Variants in PTPRT observed in about 807,000 individuals in gnomAD.
PTPRT encodes the protein protein tyrosine phosphatase receptor type T.
In PTPRT, 56 loss-of-function variants were observed where a neutral mutation model predicts 176.8. The ratio of observed to expected loss-of-function variants is 0.32; its 90% CI spans 0.26 to 0.40. The LOEUF is 0.40. Among genes scored for constraint, PTPRT ranks in the 10% least tolerant of loss-of-function variants. The pLI is 1.00. For missense variants in PTPRT, 1,540 were observed against 1,908.2 expected, an observed-to-expected ratio of 0.81 and a Z score of 3.60; for synonymous variants, 783 against 739.0, an observed-to-expected ratio of 1.06 and a Z score of -0.96.
intron 2 of PTPRT, among the ~76,000 whole-genome samples, chr20:42,884,121 A>T (rs1053344196): frequency 6.6e-6 from 1 of 152,070 alleles, no homozygotes; most frequent in Non-Finnish European, 1.5e-5. Context: ...TGATTCTATC[A>T]TGTAAACCAG....
intron 7 of PTPRT, among the ~76,000 whole-genome samples, chr20:42,607,150 G>A (rs976975794): frequency 6.6e-6 from 1 of 152,094 alleles, no homozygotes; most frequent in Non-Finnish European, 1.5e-5. Flanking sequence ...CAAAATCATA[G>A]AGACAGGAAG....
intron 1 of PTPRT, among the ~76,000 whole-genome samples, chr20:43,030,388 T>C (rs570856303): frequency 9.3e-4 from 142 of 152,118 alleles, no homozygotes; most frequent in African/African-American, 2.9e-3. Context: ...TAAATAAGGT[T>C]GATTGAATGA....
At chr20:42,590,953 T>G (rs1366720128) in intron 7 of PTPRT, among the ~76,000 whole-genome samples, 1 of 150,410 alleles carries the variant, frequency 6.6e-6, no homozygotes, top group African/African-American at 2.5e-5. Flanking sequence ...TGTGTGTGTG[T>G]GTGTGTGTGT....
At chr20:42,470,341 C>T (rs1417880797) in intron 8 of PTPRT, among the ~76,000 whole-genome samples, 1 of 152,202 alleles carries the variant, frequency 6.6e-6, no homozygotes, top group Non-Finnish European at 1.5e-5. Context: ...CCACCCTGAA[C>T]AGTTCCCTGA....
At chr20:43,145,445 A>G (rs1391526575) in intron 1 of PTPRT, among the ~76,000 whole-genome samples, 4 of 152,296 alleles carry the variant, frequency 2.6e-5, no homozygotes, top group Non-Finnish European at 4.4e-5. Flanking sequence ...AGTTGCCACA[A>G]TTCACTTCAG....
chr20:42,215,108 A>C (rs1328027364), intron 15 of PTPRT, among the ~76,000 whole-genome samples: 11 of 152,234 alleles, frequency 7.2e-5, no homozygotes, highest in Non-Finnish European at 1.6e-4. Context: ...GAAAGAAAAA[A>C]GTGCTTCAAA....
At position 42,918,333 on chromosome 20, in the gene PTPRT, G is replaced by A. The variant is rs56950783; in HGVS notation, c.89-32401C>T. On this transcript the variant is annotated intron_variant, in intron 1 of 30. Transcript: ENST00000373187. ...TTACGGCAAAGAACCACCTTTCCCT[G>A]TACAGCTTAGATAAGACTTGTGGAT... Among the ~76,000 whole-genome samples, 614 of 152,226 alleles carry A rather than the reference G, an allele frequency of 4.0e-3. 3 individuals are homozygous for A. The highest frequency in any genetic ancestry group is 0.014 in the African/African-American group (573 of 41,536).
the PTPRT span, among the ~76,000 whole-genome samples, chr20:42,057,542 T>C: frequency 6.6e-6 from 1 of 152,212 alleles, no homozygotes; most frequent in African/African-American, 2.4e-5. Flanking sequence ...TCTTTCCTTG[T>C]GGTCCTTTTA....
chr20:43,126,169 T>A (rs778667812), intron 1 of PTPRT, among the ~76,000 whole-genome samples: 5 of 152,044 alleles, frequency 3.3e-5, no homozygotes, highest in African/African-American at 4.8e-5. Flanking sequence ...CTGACCAACA[T>A]GGTGAAACCC....
chr20:42,994,328 G>T (rs1380082421), intron 1 of PTPRT, among the ~76,000 whole-genome samples: 2 of 152,102 alleles, frequency 1.3e-5, no homozygotes, highest in African/African-American at 4.8e-5. Flanking sequence ...ATGTCAATAT[G>T]ACAAGTTAGA....
At chr20:42,039,285 T>C in the PTPRT span, among the ~76,000 whole-genome samples, 4 of 152,170 alleles carry the variant, frequency 2.6e-5, no homozygotes, top group African/African-American at 9.7e-5. Flanking sequence ...GCATATGTGG[T>C]AAAATGGCTA....
intron 27 of PTPRT, among the ~76,000 whole-genome samples, chr20:42,087,159 C>T (rs1431729206): frequency 8.3e-6 from 1 of 120,050 alleles, no homozygotes; most frequent in Non-Finnish European, 1.8e-5. Context: ...ATTAGCTCCC[C>T]CCGAGAGTTA....
At position 42,793,388 on chromosome 20, in the gene PTPRT, T is replaced by C. The variant is rs144818926; in HGVS notation, c.215-1922A>G. 4.8e-3 allele frequency among the ~76,000 whole-genome samples: 724 copies of C among 152,336 alleles called. 5 individuals carry two copies. Among genetic ancestry groups the C allele is most frequent in the Non-Finnish European group, 7.3e-3 (500 of 68,036 alleles). On this transcript the variant is annotated intron_variant, in intron 2 of 30. Transcript: ENST00000373187. ...AATATCATTTCACACTCTGCGTCCA[T>C]GTGTACGCATTATTTAGCTACCACT... is the stretch of plus-strand genomic sequence containing the variant.
chr20:42,707,563 C>T (rs532328364), intron 6 of PTPRT, among the ~76,000 whole-genome samples: 1 of 152,264 alleles, frequency 6.6e-6, no homozygotes, highest in South Asian at 2.1e-4. Flanking sequence ...ATGTGTGTGG[C>T]CTCTAGGAGC....
chr20:42,156,092 C>T (rs1989338227), intron 17 of PTPRT, among the ~76,000 whole-genome samples: 1 of 152,172 alleles, frequency 6.6e-6, no homozygotes, highest in Non-Finnish European at 1.5e-5. Context: ...CTTATGCTAG[C>T]CGCTCTGCCT....
chr20:42,623,738 T>C (rs2074240996), intron 7 of PTPRT, among the ~76,000 whole-genome samples: 1 of 152,106 alleles, frequency 6.6e-6, no homozygotes, highest in Non-Finnish European at 1.5e-5. Context: ...GCCAACTCCA[T>C]ACCCATACTT....
chr20:43,048,384 G>T (rs934465451), intron 1 of PTPRT, among the ~76,000 whole-genome samples: 1 of 152,166 alleles, frequency 6.6e-6, no homozygotes, highest in Non-Finnish European at 1.5e-5. Flanking sequence ...CTAACTATGG[G>T]TCCTAGGGAG....
intron 11 of PTPRT, among the ~76,000 whole-genome samples, chr20:42,335,644 A>G (rs892241894): frequency 1.3e-5 from 2 of 152,210 alleles, no homozygotes; most frequent in African/African-American, 4.8e-5. Flanking sequence ...CAAATTTGAG[A>G]ATTTTTTTGA....
chr20:42,314,002 A>G (rs559926053), intron 12 of PTPRT, among the ~76,000 whole-genome samples: 1 of 152,218 alleles, frequency 6.6e-6, no homozygotes, highest in South Asian at 2.1e-4. Context: ...TAAACTCTCA[A>G]TCTTGGCCAC....
Sources: allele counts gnomAD v4.1 joint callset (sites outside exome capture counted in the v4.1 genomes callset), GRCh38; gene constraint gnomAD v4.1.1; transcripts MANE v1.5; gene names NCBI Gene and HGNC (gene_info 2026-07-23, HGNC 2026-07-21).